Variants in RPTOR observed in about 807,000 individuals in gnomAD.
RPTOR encodes the protein regulatory associated protein of MTOR complex 1, also known as regulatory-associated protein of mTOR.
Under a neutral mutation model 169.9 loss-of-function variants are expected in RPTOR, and 21 were observed. The ratio of observed to expected loss-of-function variants is 0.12; its 90% confidence interval spans 0.09 to 0.18. The LOEUF (loss-of-function observed/expected upper bound fraction) is 0.18. Ranked by LOEUF, RPTOR falls within the 10% of genes least tolerant of loss-of-function variation. The probability of loss-of-function intolerance (pLI) is 1.00; values close to 1 mark genes in which losing one functional copy is unlikely to be tolerated. For synonymous variants in RPTOR, 732 were observed against 753.2 expected (o/e 0.97, Z 0.46); for missense variants, 1,133 against 1,855.9 (o/e 0.61, Z 7.16).
At chr17:80,599,670 G>A (rs1038734694) in intron 1 of RPTOR, among the ~76,000 whole-genome samples, 1 of 152,190 alleles carries the variant, frequency 6.6e-6, no homozygotes, top group African/African-American at 2.4e-5. Context: ...CACTGCAGAC[G>A]GTGTCCACCA....
chr17:80,887,530 G>A (rs1331984265), intron 17 of RPTOR, among the ~76,000 whole-genome samples: 1 of 152,198 alleles, frequency 6.6e-6, no homozygotes, highest in Non-Finnish European at 1.5e-5. Flanking sequence ...GCACCAAGGA[G>A]CCTGGCGGCG....
rs566411251 is a variant in RPTOR at position 80,598,755 on chromosome 17, C to T, written c.163-26936C>T. Among the ~76,000 whole-genome samples the T allele has an allele frequency of 5.9e-5, 9 of 152,246 alleles. No homozygotes were observed. The South Asian group carries it at 1.0e-3, about 18-fold the overall frequency. ...CAGTGAATGGGGATGTGAAAGGCACCGGACATGAAGCTGATACCGTCACAG... is the reference window on the plus strand; with the variant it reads ...CAGTGAATGGGGATGTGAAAGGCACTGGACATGAAGCTGATACCGTCACAG... On this transcript the variant is annotated intron_variant, in intron 1 of 33. Coordinates refer to ENST00000306801, the MANE Select transcript of RPTOR (RefSeq NM_020761.3).
At position 80,962,533 on chromosome 17, in the gene RPTOR, G is replaced by C. The variant is rs1039300574; in HGVS notation, c.3765G>C (p.Gly1255=). Reference sequence around the variant, plus strand: ...TAAATGTGCTTCAGATCGTGAAGGGGCTGACGGCCCTGGACATCCACCCCC... The same window carrying C: ...TAAATGTGCTTCAGATCGTGAAGGGCCTGACGGCCCTGGACATCCACCCCC... ...ESVNVLQIVK[G]LTALDIHPQA... The change falls in exon 32 of 34, where the codon GGG becomes GGC. Residue 1255 remains glycine (G), a synonymous_variant. Coordinates refer to ENST00000306801, the MANE Select transcript of RPTOR (RefSeq NM_020761.3). The C allele has an allele frequency of 6.2e-7, 1 of 1,613,832 alleles. No individual in the cohort carries two copies. Among genetic ancestry groups the C allele is most frequent in the African/African-American group, 1.3e-5 (1 of 75,042 alleles).
chr17:80,908,963 T>G lies in RPTOR; in HGVS notation c.2520+34T>G, dbSNP rs1411105513. 2.7e-6 allele frequency: 4 copies of G among 1,475,454 alleles called. No homozygotes were observed. In the African/African-American group the frequency reaches 5.5e-5, roughly 20 times the overall value. 91.4% of individuals were successfully genotyped at this position (1,475,454 alleles called of 1,614,324 possible). On this transcript the variant is annotated intron_variant, in intron 21 of 33. Transcript: ENST00000306801. ...CGGGCGCTCCCCACCGCGCTCCAGC[T>G]GCTGGTTCTCGGTTACGAGTATGCA...
intron 9 of RPTOR, among the ~76,000 whole-genome samples, chr17:80,829,170 A>G (rs1368218779): frequency 1.3e-5 from 2 of 152,254 alleles, no homozygotes; most frequent in African/African-American, 4.8e-5. Context: ...CTTTATGGCT[A>G]AGGCATTATT....
intron 21 of RPTOR, among the ~76,000 whole-genome samples, chr17:80,914,080 C>T (rs1461432766): frequency 1.3e-5 from 2 of 152,354 alleles, no homozygotes; most frequent in East Asian, 3.9e-4. Context: ...TGCATGCAGA[C>T]GGAGATGAGA....
chr17:80,684,898 C>T (rs531432867), intron 3 of RPTOR, among the ~76,000 whole-genome samples: 1 of 152,294 alleles, frequency 6.6e-6, no homozygotes, highest in South Asian at 2.1e-4. Context: ...AGCTGTATGG[C>T]ACTTCATTAC....
In RPTOR at chr17:80,822,264, C is replaced by T; in HGVS notation, c.954C>T (p.Ala318=). The T allele has an allele frequency of 6.2e-6, 10 of 1,614,228 alleles. No individual in the cohort carries two copies. Among genetic ancestry groups the T allele is most frequent in the Non-Finnish European group, 8.5e-6 (10 of 1,180,034 alleles). The change falls in exon 8 of 34, where the codon GCC becomes GCT. Residue 318 remains alanine (A), a synonymous_variant. Coordinates refer to ENST00000306801, the MANE Select transcript of RPTOR (RefSeq NM_020761.3). ...PLGELNWIFT[A]ITDTIAWNVL... The stretch of plus-strand genomic sequence containing the variant: ...GTGAACTGAACTGGATCTTCACAGC[C>T]ATCACAGACACCATCGCGTGGAACG...
chr17:80,615,060 G>A (rs1244943442), intron 1 of RPTOR, among the ~76,000 whole-genome samples: 1 of 152,156 alleles, frequency 6.6e-6, no homozygotes, highest in Non-Finnish European at 1.5e-5. Context: ...TCATTCTTAC[G>A]TAGATGGCAG....
At chr17:80,935,716 CAG>C (rs1409815280) in intron 24 of RPTOR, among the ~76,000 whole-genome samples, 1 of 152,064 alleles carries the variant, frequency 6.6e-6, no homozygotes. Context: ...ACAATTAACT[CAG>C]AGTGAATCAT....
In RPTOR at chr17:80,960,236, G is replaced by A; in HGVS notation, c.3605+31G>A. On this transcript the variant is annotated intron_variant, in intron 30 of 33. Transcript: ENST00000306801. The surrounding 1 kb of genome is among the most constrained non-coding windows in gnomAD (Gnocchi z 4.8). ...TTGACCCTGTCCTCTCCCTCCCCGA[G>A]TGCTGGCAGGGTACCTTCCAGGTGG... 6.2e-7 allele frequency: 1 copy of A among 1,612,164 alleles called. No homozygotes were observed. Among genetic ancestry groups the A allele is most frequent in the Non-Finnish European group, 8.5e-7 (1 of 1,179,156 alleles).
chr17:80,730,764 T>TGGGGGGGG lies in RPTOR; in HGVS notation c.654+62_654+63insGGGGGGGG. On this transcript the variant is annotated intron_variant, in intron 5 of 33. Transcript: ENST00000306801. This position sits in a 1 kb window ranked among gnomAD's most constrained non-coding sequence, Gnocchi z 4.2. ...GGTTTGGTTTTGTTTTCCCTGGGGG[T>TGGGGGGGG]GGGGTTTGGGTGGGGAGGTTGGGAG... The TGGGGGGGG allele has an allele frequency of 2.2e-6, 1 of 453,322 alleles. No homozygotes were observed. The highest frequency in any genetic ancestry group is 2.5e-5 in the Admixed American group (1 of 39,540). The allele number at this position is 453,322 out of a possible 1,614,324, so 28.1% of individuals were successfully genotyped here.
intron 5 of RPTOR, among the ~76,000 whole-genome samples, chr17:80,731,432 A>G (rs1338453594): frequency 1.3e-5 from 2 of 152,094 alleles, no homozygotes; most frequent in African/African-American, 4.8e-5. Flanking sequence ...AAAACCACTA[A>G]GCTAAAATGA....
At chr17:80,698,634 C>T (rs1341922317) in intron 3 of RPTOR, among the ~76,000 whole-genome samples, 1 of 152,204 alleles carries the variant, frequency 6.6e-6, no homozygotes, top group African/African-American at 2.4e-5. Flanking sequence ...TTCTTTTCTC[C>T]TTAATCTTTA....
At chr17:80,768,377 A>G (rs1006463805) in intron 6 of RPTOR, among the ~76,000 whole-genome samples, 1 of 152,198 alleles carries the variant, frequency 6.6e-6, no homozygotes, top group African/African-American at 2.4e-5. Context: ...TGTGTAATGT[A>G]TCTGGAGGAC....
At position 80,957,570 on chromosome 17, in the gene RPTOR, C is replaced by T. The variant is rs1379867538; in HGVS notation, c.3371-54C>T. On this transcript the variant is annotated intron_variant, in intron 28 of 33. Coordinates refer to ENST00000306801, the MANE Select transcript of RPTOR (RefSeq NM_020761.3). The surrounding 1 kb of genome is among the most constrained non-coding windows in gnomAD (Gnocchi z 4.6). ...TGCTGCCCAGAGCAGGCCCCAAAGC[C>T]TGCCCAAGGCAAGGGCCCATGGGGT... The T allele has an allele frequency of 2.6e-6, 4 of 1,560,996 alleles. No individual in the cohort carries two copies. Among genetic ancestry groups the T allele is most frequent in the Non-Finnish European group, 3.5e-6 (4 of 1,132,440 alleles).
At chr17:80,760,305 T>TC (rs1294525681) in intron 6 of RPTOR, among the ~76,000 whole-genome samples, 3 of 132,508 alleles carry the variant, frequency 2.3e-5, no homozygotes, top group African/African-American at 3.2e-5. Flanking sequence ...TTTTTCTTTT[T>TC]TCTTTTTTTT....
intron 1 of RPTOR, among the ~76,000 whole-genome samples, chr17:80,623,302 ACATTT>A (rs1370432193): frequency 6.6e-6 from 1 of 152,234 alleles, no homozygotes. Context: ...AAAAGCAATT[ACATTT>A]AACTAAGAAT....
At chr17:80,781,842 A>AG (rs2066945265) in intron 6 of RPTOR, among the ~76,000 whole-genome samples, 1 of 152,222 alleles carries the variant, frequency 6.6e-6, no homozygotes, top group Non-Finnish European at 1.5e-5. Flanking sequence ...GGGTTGCAGA[A>AG]GGGGCTATGA....
Sources: gnomAD v4.1 joint callset for allele counts (sites outside exome capture counted in the v4.1 genomes callset) on GRCh38, gnomAD v4.1.1 for gene constraint, Gnocchi (gnomAD v3.1) non-coding constraint, MANE v1.5 for transcripts, NCBI Gene and HGNC (gene_info 2026-07-23, HGNC 2026-07-21) for gene names.